The following NSD1 variants were observed in gnomAD, a reference collection of about 807,000 sequenced individuals.
NSD1 encodes histone-lysine N-methyltransferase, H3 lysine-36 specific.
A neutral mutation model predicts 242.7 loss-of-function variants in NSD1; 26 were observed. That is an observed-to-expected ratio of 0.11 (90% CI 0.08 to 0.15). NSD1 has a LOEUF of 0.15. NSD1 is among the 10% of genes least tolerant of loss of function. NSD1 has a pLI of 1.00. For missense variants in NSD1, 2,495 were observed against 3,272.8 expected (o/e 0.76, Z 5.80); for synonymous variants, 1,106 against 1,178.1 (o/e 0.94, Z 1.25).
At chr5:177,230,226 AT>A (rs1305659422) in intron 5 of NSD1, among the ~76,000 whole-genome samples, 1 of 152,050 alleles carries the variant, frequency 6.6e-6, no homozygotes, top group Admixed American at 6.6e-5. Flanking sequence ...GGTTCAAGTG[AT>A]TCTCGTGCTT....
At position 177,245,697 on chromosome 5, in the gene NSD1, A is replaced by G. The variant is rs192928837; in HGVS notation, c.4379-981A>G. Among the ~76,000 whole-genome samples the G allele has an allele frequency of 4.0e-5, 6 of 148,752 alleles. No individual in the cohort carries two copies. In the East Asian group the frequency reaches 1.2e-3, roughly 29 times the overall value. On this transcript the variant is annotated intron_variant, in intron 9 of 22. Coordinates refer to ENST00000439151, the MANE Select transcript of NSD1 (RefSeq NM_022455.5). Reference sequence around the variant, plus strand: ...GTTGCCCAGGCTGGAGTACAGTGGCACAATCTCGGTTCACTGCAGCCTCCA... The same window carrying G: ...GTTGCCCAGGCTGGAGTACAGTGGCGCAATCTCGGTTCACTGCAGCCTCCA...
In NSD1 at chr5:177,211,145, G is replaced by A. The variant is rs374906016; in HGVS notation, c.2746G>A (p.Asp916Asn). 3.7e-6 allele frequency: 6 copies of A among 1,614,088 alleles called. No individual in the cohort carries two copies. Among genetic ancestry groups the A allele is most frequent in the Non-Finnish European group, 4.2e-6 (5 of 1,180,046 alleles). Reference sequence around the variant, plus strand: ...CAGTACATTGCTAATGATGTTGAAAGATATGCATGATAGTAAGACGAAGGA... The same window carrying A: ...CAGTACATTGCTAATGATGTTGAAAAATATGCATGATAGTAAGACGAAGGA... ...KFSTLLMMLK[D>N]MHDSKTKEQR... is the part of the protein sequence containing the mutation. Residue 916 changes from aspartate to asparagine, a missense_variant, in exon 5 of 23, where the codon GAT (aspartate) becomes AAT (asparagine). Physicochemically the swap from Asp to Asn is conservative, Grantham distance 23 (BLOSUM62 1). Around this residue, in one of 19 missense-constraint regions of NSD1, gnomAD observed 121 missense variants for 167.2 expected, o/e 0.72. Transcript: ENST00000439151.
At position 177,296,647 on chromosome 5, in the gene NSD1, C is replaced by T. The variant is rs1760275028; in HGVS notation, c.*1188C>T. 3 of 233,356 alleles carry T rather than the reference C, an allele frequency of 1.3e-5. No individual in the cohort carries two copies. In the East Asian group the frequency reaches 1.8e-4, roughly 14 times the overall value. 14.5% of individuals were successfully genotyped at this position (233,356 alleles called of 1,614,324 possible). A position where few individuals can be genotyped will look rare whatever the true frequency, so the allele number is the denominator to read the frequency against. On this transcript the variant is annotated 3_prime_UTR_variant, in exon 23 of 23. Coordinates refer to ENST00000439151, the MANE Select transcript of NSD1 (RefSeq NM_022455.5). ...GACTTAGCTCAAAGGCAAGCCAGAA[C>T]CCTTCCCTGAAGACTGGCAAGAGGT...
intron 3 of NSD1, 70 bp from the exon 4 acceptor site, chr5:177,204,050 T>C: frequency 7.1e-7 from 1 of 1,410,280 alleles, no homozygotes; most frequent in South Asian, 1.2e-5. Context: ...GGCAATGATG[T>C]GGCTGTTCTC....
chr5:177,191,844 T>G, intron 2 of NSD1, 40 bp from the exon 3 acceptor site: 1 of 1,609,578 alleles, frequency 6.2e-7, no homozygotes, highest in Non-Finnish European at 8.5e-7. Context: ...TTCAAAATAT[T>G]TTGATTCTTA....
At chr5:177,167,470 GGT>G (rs1759303944) in intron 2 of NSD1, among the ~76,000 whole-genome samples, 1 of 152,158 alleles carries the variant, frequency 6.6e-6, no homozygotes, top group Non-Finnish European at 1.5e-5. Context: ...GGGAGGCAGA[GGT>G]TGCGGTGAGC....
At chr5:177,161,606 A>G (rs1202417781) in intron 2 of NSD1, among the ~76,000 whole-genome samples, 1 of 151,194 alleles carries the variant, frequency 6.6e-6, no homozygotes, top group African/African-American at 2.4e-5. Context: ...AACGATTGAA[A>G]TTATATTTTT....
At chr5:177,176,115 A>T (rs1451565438) in intron 2 of NSD1, among the ~76,000 whole-genome samples, 3 of 152,164 alleles carry the variant, frequency 2.0e-5, no homozygotes, top group Non-Finnish European at 2.9e-5. Flanking sequence ...ACCTGAAGTG[A>T]TCTACCTGCC....
chr5:177,243,585 A>G (rs1581422281), intron 8 of NSD1, among the ~76,000 whole-genome samples: 1 of 152,228 alleles, frequency 6.6e-6, no homozygotes, highest in Non-Finnish European at 1.5e-5. Flanking sequence ...TTCTCCATCC[A>G]TTTCAGTCAC....
chr5:177,200,897 G>A (rs903590494), intron 3 of NSD1, among the ~76,000 whole-genome samples: 1 of 149,562 alleles, frequency 6.7e-6, no homozygotes, highest in Non-Finnish European at 1.5e-5. Flanking sequence ...TGGTGTTTTT[G>A]TATTTTTTTT....
In NSD1 at chr5:177,141,299, C is replaced by T. The variant is rs562303032; in HGVS notation, c.927+5269C>T. Among the ~76,000 whole-genome samples, 159 of 131,670 alleles carry T rather than the reference C, an allele frequency of 1.2e-3. 1 individual carries two copies. The highest frequency in any genetic ancestry group is 4.1e-3 in the African/African-American group (141 of 34,734). The allele number at this position is 131,670 out of a possible 152,430, so 86.4% of individuals were successfully genotyped here. A position where few individuals can be genotyped will look rare whatever the true frequency, so the allele number is the denominator to read the frequency against. ...CCTCCCAAAGTGCTGGGATTACAGG[C>T]GTGAGCCACCGCGCGCAGCCTTTTT... is the stretch of plus-strand genomic sequence containing the variant. On this transcript the variant is annotated intron_variant, in intron 2 of 22. Transcript: ENST00000439151.
chr5:177,295,639 T>C lies in NSD1; in HGVS notation c.*180T>C, dbSNP rs1448546686. ...TGTGACATTAGCCAGTGGGGGCTTATGGTTGTGTGAACCATGTATGAAAAT... is the reference window on the plus strand; with the variant it reads ...TGTGACATTAGCCAGTGGGGGCTTACGGTTGTGTGAACCATGTATGAAAAT... On this transcript the variant is annotated 3_prime_UTR_variant, in exon 23 of 23. Coordinates refer to ENST00000439151, the MANE Select transcript of NSD1 (RefSeq NM_022455.5). The surrounding 1 kb of genome is among the most constrained non-coding windows in gnomAD (Gnocchi z 4.3). 3 of 721,326 alleles carry C rather than the reference T, an allele frequency of 4.2e-6. No homozygotes were observed. The highest frequency in any genetic ancestry group is 7.1e-6 in the Non-Finnish European group (3 of 420,264). The allele number at this position is 721,326 out of a possible 1,614,324, so 44.7% of individuals were successfully genotyped here.
At chr5:177,230,145 G>A (rs1764946027) in intron 5 of NSD1, among the ~76,000 whole-genome samples, 2 of 151,478 alleles carry the variant, frequency 1.3e-5, no homozygotes, top group Admixed American at 6.6e-5. Flanking sequence ...TTTTTTAGAC[G>A]AAGTCTCACT....
At chr5:177,147,081 A>G (rs1467578536) in intron 2 of NSD1, among the ~76,000 whole-genome samples, 1 of 151,710 alleles carries the variant, frequency 6.6e-6, no homozygotes, top group Non-Finnish European at 1.5e-5. Flanking sequence ...TTTTAAAACT[A>G]CATCCATCGT....
At chr5:177,246,916 G>A in intron 10 of NSD1, 120 bp downstream of exon 10, 1 of 754,700 alleles carries the variant, frequency 1.3e-6, no homozygotes, top group Non-Finnish European at 2.3e-6. Context: ...ATGGCTGATG[G>A]CCATAAGGAA....
intron 14 of NSD1, chr5:177,265,446 C>G (rs1757343202): frequency 1.6e-6 from 1 of 609,082 alleles, no homozygotes; most frequent in African/African-American, 1.8e-5. Flanking sequence ...CCCTCCCCAT[C>G]CCCCCAGCCC....
chr5:177,281,551 G>A (rs769243350), intron 18 of NSD1, among the ~76,000 whole-genome samples: 2 of 152,156 alleles, frequency 1.3e-5, no homozygotes, highest in Non-Finnish European at 2.9e-5. Context: ...TTCGGAGGGA[G>A]AGAAATATTG....
At position 177,210,569 on chromosome 5, in the gene NSD1, G is replaced by A. The variant is rs771456995; in HGVS notation, c.2170G>A (p.Glu724Lys). The change falls in exon 5 of 23, where the codon GAG (glutamate) becomes AAG (lysine). Residue 724 changes from glutamate (E) to lysine (K), a missense_variant. By Grantham distance (56) the Glu-to-Lys change is moderately conservative. Coordinates refer to ENST00000439151, the MANE Select transcript of NSD1 (RefSeq NM_022455.5). The stretch of plus-strand genomic sequence containing the variant: ...TACTAAGAGTGCAGAGCCTGGAACC[G>A]AGACGTCTCAGGTTAATCTCTCTGA... Reference protein sequence around the residue: ...GCTKSAEPGTETSQVNLSDLK... With the variant: ...GCTKSAEPGTKTSQVNLSDLK... The A allele has an allele frequency of 2.0e-5, 33 of 1,613,948 alleles. No homozygotes were observed. In the East Asian group the frequency reaches 6.9e-4, roughly 34 times the overall value.
intron 2 of NSD1, among the ~76,000 whole-genome samples, chr5:177,163,722 TATCTC>T (rs1459468716): frequency 1.3e-5 from 2 of 152,190 alleles, no homozygotes; most frequent in African/African-American, 4.8e-5. Context: ...TAATAAGTAT[TATCTC>T]ATTTAATCCT....
Sources: gnomAD v4.1 joint callset for allele counts (sites outside exome capture counted in the v4.1 genomes callset) on GRCh38, gnomAD v4.1.1 for gene constraint, gnomAD v4.1.1 regional missense constraint, Gnocchi (gnomAD v3.1) non-coding constraint, MANE v1.5 for transcripts, NCBI Gene and HGNC (gene_info 2026-07-23, HGNC 2026-07-21) for gene names.